The following SLC35D4 variants were observed in gnomAD, a reference collection of about 807,000 sequenced individuals.
The protein encoded by SLC35D4 is UDP-N-acetylglucosamine transporter SLC35D4.
chr18:23,303,752 T>C, the SLC35D4 span, among the ~76,000 whole-genome samples: 1 of 149,870 alleles, frequency 6.7e-6, no homozygotes, highest in Non-Finnish European at 1.5e-5. Context: ...AATACAAAAA[T>C]TAGTCGGGCA....
the SLC35D4 span, among the ~76,000 whole-genome samples, chr18:23,383,455 C>A: frequency 6.6e-6 from 1 of 151,938 alleles, no homozygotes; most frequent in Non-Finnish European, 1.5e-5. Context: ...TGGAAACAGA[C>A]ACGATGAGTC....
the SLC35D4 span, among the ~76,000 whole-genome samples, chr18:23,433,127 C>T: frequency 2.0e-5 from 3 of 150,182 alleles, no homozygotes; most frequent in Non-Finnish European, 4.4e-5. Context: ...ATGATGCAAT[C>T]TTGGCTCACT....
the SLC35D4 span, among the ~76,000 whole-genome samples, chr18:23,424,656 A>G: frequency 2.0e-5 from 3 of 152,202 alleles, no homozygotes; most frequent in Non-Finnish European, 4.4e-5. Context: ...TAAGAGAGAA[A>G]CCAGTATCCC....
the SLC35D4 span, among the ~76,000 whole-genome samples, chr18:23,377,155 A>C: frequency 6.6e-6 from 1 of 152,172 alleles, no homozygotes; most frequent in Non-Finnish European, 1.5e-5. Context: ...GCATGACAGG[A>C]CGGCCCAGTT....
At chr18:23,371,621 C>T in the SLC35D4 span, 1 of 553,532 alleles carries the variant, frequency 1.8e-6, no homozygotes, top group East Asian at 3.4e-5. Context: ...TTCCTTGGTT[C>T]CCTCTCATTC....
the SLC35D4 span, among the ~76,000 whole-genome samples, chr18:23,335,069 A>G: frequency 1.3e-5 from 2 of 152,094 alleles, no homozygotes; most frequent in Admixed American, 1.3e-4. Flanking sequence ...TTTTTGTAAG[A>G]GAGGAGAGCA....
the SLC35D4 span, among the ~76,000 whole-genome samples, chr18:23,360,576 A>G: frequency 3.9e-5 from 6 of 152,316 alleles, no homozygotes; most frequent in South Asian, 1.0e-3. Context: ...GAACTTATCT[A>G]TGGTAACAGA....
the SLC35D4 span, among the ~76,000 whole-genome samples, chr18:23,424,194 A>G: frequency 2.0e-5 from 3 of 152,194 alleles, no homozygotes; most frequent in Non-Finnish European, 4.4e-5. Flanking sequence ...CTGGTGGCTA[A>G]CTGGATGTTG....
At chr18:23,436,896 A>G in the SLC35D4 span, among the ~76,000 whole-genome samples, 1 of 152,312 alleles carries the variant, frequency 6.6e-6, no homozygotes, top group Non-Finnish European at 1.5e-5. Context: ...GGTAGAAGGA[A>G]ATGCTGTTTG....
chr18:23,383,707 G>A, the SLC35D4 span, among the ~76,000 whole-genome samples: 1 of 152,082 alleles, frequency 6.6e-6, no homozygotes, highest in African/African-American at 2.4e-5. Context: ...CCAGGGCTGG[G>A]TGAAGTGAGT....
chr18:23,337,211 C>G, the SLC35D4 span, among the ~76,000 whole-genome samples: 1 of 152,110 alleles, frequency 6.6e-6, no homozygotes, highest in Non-Finnish European at 1.5e-5. Flanking sequence ...CGGTGGCTCA[C>G]GCCTGTAATC....
the SLC35D4 span, among the ~76,000 whole-genome samples, chr18:23,391,052 C>T: frequency 6.6e-6 from 1 of 151,808 alleles, no homozygotes. Flanking sequence ...ATGGTGAAAC[C>T]CCGTCTCTAC....
the SLC35D4 span, among the ~76,000 whole-genome samples, chr18:23,284,357 C>G: frequency 6.6e-6 from 1 of 152,186 alleles, no homozygotes; most frequent in Non-Finnish European, 1.5e-5. Flanking sequence ...TAACAAGAAT[C>G]TGGACCCCCA....
the SLC35D4 span, among the ~76,000 whole-genome samples, chr18:23,286,928 A>AT: frequency 1.3e-5 from 2 of 151,346 alleles, no homozygotes. Flanking sequence ...CTCCTCTTGT[A>AT]TCCCCCCACC....
chr18:23,291,571 G>A, the SLC35D4 span, among the ~76,000 whole-genome samples: 1 of 152,176 alleles, frequency 6.6e-6, no homozygotes. Flanking sequence ...TTCGTGAGTT[G>A]AGTGGTTTGG....
At chr18:23,416,797 G>A in the SLC35D4 span, among the ~76,000 whole-genome samples, 4 of 152,226 alleles carry the variant, frequency 2.6e-5, no homozygotes, top group East Asian at 1.9e-4. Context: ...CAGATATTCC[G>A]AGATACGTAG....
the SLC35D4 span, among the ~76,000 whole-genome samples, chr18:23,313,126 CAAAAAAAAAAA>C: frequency 1.6e-3 from 47 of 29,486 alleles, no homozygotes; most frequent in East Asian, 0.02. Context: ...GACTACATCT[CAAAAAAAAAAA>C]AAAAAAAAAA....
chr18:23,244,448 G>A, the SLC35D4 span, among the ~76,000 whole-genome samples: 162 of 152,366 alleles, frequency 1.1e-3, 1 homozygote, highest in African/African-American at 3.7e-3. Flanking sequence ...CCCAGGCTGC[G>A]TAGGCTACCC....
the SLC35D4 span, among the ~76,000 whole-genome samples, chr18:23,339,872 C>G: frequency 1.3e-5 from 2 of 152,174 alleles, no homozygotes; most frequent in African/African-American, 4.8e-5. Flanking sequence ...CTACTCATCT[C>G]CCAAAGTCCC....
Sources: allele counts gnomAD v4.1 joint callset (sites outside exome capture counted in the v4.1 genomes callset), GRCh38; gene constraint gnomAD v4.1.1; transcripts MANE v1.5; gene names NCBI Gene and HGNC (gene_info 2026-07-23, HGNC 2026-07-21).